Variants in TAFA1 observed in about 807,000 individuals in gnomAD.
TAFA1 encodes chemokine-like protein TAFA-1.
TAFA1 carries 4 observed loss-of-function variants against 18.5 expected under a neutral mutation model. The observed-to-expected ratio is 0.22, with a 90% CI of 0.11 to 0.49. The LOEUF is 0.49. Among genes scored for constraint, TAFA1 ranks in the 20% least tolerant of loss-of-function variants. The pLI is 0.98. For synonymous variants in TAFA1, 56 were observed against 55.2 expected, an observed-to-expected ratio of 1.01 and a Z score of -0.06; for missense variants, 147 against 169.0, an observed-to-expected ratio of 0.87 and a Z score of 0.72.
intron 2 of TAFA1, among the ~76,000 whole-genome samples, chr3:68,059,020 T>A (rs1343711116): frequency 1.3e-5 from 2 of 152,152 alleles, no homozygotes; most frequent in Non-Finnish European, 2.9e-5. Context: ...AGTAATAAGT[T>A]ATTTTTTCTA....
intron 3 of TAFA1, among the ~76,000 whole-genome samples, chr3:68,515,681 C>T (rs1418759000): frequency 2.0e-5 from 3 of 152,184 alleles, no homozygotes; most frequent in African/African-American, 7.2e-5. Context: ...TCCATAAAAG[C>T]CTGAACCTTA....
At chr3:68,306,002 G>T (rs542322406) in intron 2 of TAFA1, among the ~76,000 whole-genome samples, 18 of 152,188 alleles carry the variant, frequency 1.2e-4, no homozygotes, top group Non-Finnish European at 1.5e-5. Flanking sequence ...GTGAATTGGA[G>T]TAAGTTACTA....
intron 2 of TAFA1, among the ~76,000 whole-genome samples, chr3:68,023,138 G>A (rs1054737556): frequency 1.3e-5 from 2 of 151,864 alleles, no homozygotes; most frequent in Non-Finnish European, 2.9e-5. Flanking sequence ...TTCTCTGCCA[G>A]TATCATTAGT....
At chr3:68,207,163 C>G (rs765966342) in intron 2 of TAFA1, among the ~76,000 whole-genome samples, 1 of 151,544 alleles carries the variant, frequency 6.6e-6, no homozygotes, top group Non-Finnish European at 1.5e-5. Context: ...CCTATATTAG[C>G]AAAAAATGGA....
chr3:68,287,718 C>T (rs1435405450), intron 2 of TAFA1, among the ~76,000 whole-genome samples: 2 of 152,038 alleles, frequency 1.3e-5, no homozygotes, highest in Admixed American at 6.6e-5. Flanking sequence ...GTGGATGTTT[C>T]CTGGCTTGCA....
intron 2 of TAFA1, among the ~76,000 whole-genome samples, chr3:68,291,315 A>C (rs1045984029): frequency 7.2e-5 from 11 of 152,196 alleles, no homozygotes; most frequent in African/African-American, 2.7e-4. Flanking sequence ...TGAACAATTG[A>C]TGGATCTAGA....
chr3:68,053,563 G>A (rs962720062), intron 2 of TAFA1, among the ~76,000 whole-genome samples: 9 of 152,008 alleles, frequency 5.9e-5, no homozygotes, highest in Admixed American at 1.3e-4. Context: ...TATGGAATCT[G>A]CCTCTGCTCT....
At chr3:68,291,674 T>C (rs1048387083) in intron 2 of TAFA1, among the ~76,000 whole-genome samples, 12 of 150,224 alleles carry the variant, frequency 8.0e-5, no homozygotes, top group Non-Finnish European at 5.9e-5. Context: ...CAATATAACA[T>C]AGAATGTTCA....
chr3:68,121,366 T>C (rs1022998316), intron 2 of TAFA1, among the ~76,000 whole-genome samples: 2 of 151,924 alleles, frequency 1.3e-5, no homozygotes, highest in Non-Finnish European at 2.9e-5. Context: ...TTTTAAATGA[T>C]AGAGAGAAAA....
At chr3:68,037,370 C>T (rs1705075146) in intron 2 of TAFA1, among the ~76,000 whole-genome samples, 1 of 152,132 alleles carries the variant, frequency 6.6e-6, no homozygotes, top group Admixed American at 6.5e-5. Context: ...GTACTTTTAT[C>T]TTAGAAGCCT....
intron 2 of TAFA1, among the ~76,000 whole-genome samples, chr3:68,314,800 A>G (rs565764243): frequency 4.7e-4 from 72 of 152,128 alleles, no homozygotes; most frequent in African/African-American, 1.5e-3. Context: ...GAAAAAGATC[A>G]TAAATTATGT....
At chr3:68,122,891 C>CTA (rs2065418154) in intron 2 of TAFA1, among the ~76,000 whole-genome samples, 1 of 150,804 alleles carries the variant, frequency 6.6e-6, no homozygotes, top group Admixed American at 6.6e-5. Flanking sequence ...TATTTTACAT[C>CTA]TATATATATT....
At position 68,112,587 on chromosome 3, in the gene TAFA1, T is replaced by G. The variant is rs60882631; in HGVS notation, c.118+105843T>G. On this transcript the variant is annotated intron_variant, in intron 2 of 4. Coordinates refer to ENST00000478136, the MANE Select transcript of TAFA1 (RefSeq NM_213609.4). ...GAGTCTGGGACTAACAAAAGATGCC[T>G]GCTATAAACATTATTTTTTAATGTT... Among the ~76,000 whole-genome samples, 1,269 of 152,206 alleles carry G rather than the reference T, an allele frequency of 8.3e-3. 13 individuals carry two copies. Among genetic ancestry groups the G allele is most frequent in the African/African-American group, 0.027 (1,125 of 41,522 alleles).
chr3:68,411,213 T>A (rs2070709401), intron 2 of TAFA1, among the ~76,000 whole-genome samples: 1 of 152,196 alleles, frequency 6.6e-6, no homozygotes, highest in Admixed American at 6.5e-5. Context: ...TCTCACTGTA[T>A]CATGGGTGGG....
chr3:68,485,082 A>G (rs1005610031), intron 3 of TAFA1, among the ~76,000 whole-genome samples: 2 of 152,200 alleles, frequency 1.3e-5, no homozygotes, highest in Admixed American at 6.5e-5. Context: ...CAAAGTAGCA[A>G]TGAAAAGGTT....
intron 2 of TAFA1, among the ~76,000 whole-genome samples, chr3:68,161,866 T>C (rs997591743): frequency 2.6e-5 from 4 of 152,186 alleles, no homozygotes; most frequent in Admixed American, 1.3e-4. Flanking sequence ...AGATTCATAA[T>C]TATTAATTTT....
At chr3:68,253,280 T>G (rs2067231453) in intron 2 of TAFA1, among the ~76,000 whole-genome samples, 1 of 152,192 alleles carries the variant, frequency 6.6e-6, no homozygotes, top group African/African-American at 2.4e-5. Context: ...CCAGGTAAGT[T>G]GGTATACTTG....
intron 2 of TAFA1, among the ~76,000 whole-genome samples, chr3:68,025,340 G>A (rs1349276580): frequency 6.6e-6 from 1 of 152,146 alleles, no homozygotes; most frequent in African/African-American, 2.4e-5. Flanking sequence ...CCTGGGCCGA[G>A]CCACAACTTC....
chr3:68,115,779 G>T lies in TAFA1; in HGVS notation c.118+109035G>T, dbSNP rs574393871. ...GCTGCTCCCCATCCTATTTTTTTGT[G>T]TGTGACAAGATGATTGTTTATCTAA... is the stretch of plus-strand genomic sequence containing the variant. On this transcript the variant is annotated intron_variant, in intron 2 of 4. Transcript: ENST00000478136. 1.1e-4 allele frequency among the ~76,000 whole-genome samples: 17 copies of T among 152,190 alleles called. No homozygotes were observed. The East Asian group carries it at 2.9e-3, about 26-fold the overall frequency.
Sources: allele counts gnomAD v4.1 joint callset (sites outside exome capture counted in the v4.1 genomes callset), GRCh38; gene constraint gnomAD v4.1.1; transcripts MANE v1.5; gene names NCBI Gene and HGNC (gene_info 2026-07-23, HGNC 2026-07-21).